The following HSDL2 variants were observed in gnomAD, a reference collection of about 807,000 sequenced individuals.
HSDL2 encodes the protein hydroxysteroid dehydrogenase like 2.
HSDL2 carries 27 observed loss-of-function variants against 46.3 expected under a neutral mutation model. The ratio of observed to expected loss-of-function variants is 0.58; its 90% CI spans 0.43 to 0.80. HSDL2 has a LOEUF of 0.80. Ranked by LOEUF, HSDL2 falls within the 30% of genes least tolerant of loss-of-function variation. HSDL2 has a pLI of 0.00. For synonymous variants in HSDL2, 153 were observed against 163.6 expected, an observed-to-expected ratio of 0.94 and a Z score of 0.50; for missense variants, 451 against 502.7, an observed-to-expected ratio of 0.90 and a Z score of 0.98.
At chr9:112,381,686 G>C (rs1831101452) in intron 1 of HSDL2, among the ~76,000 whole-genome samples, 2 of 152,198 alleles carry the variant, frequency 1.3e-5, no homozygotes, top group South Asian at 4.2e-4. Context: ...ATAATATTCT[G>C]TAACAGCTTG....
rs531924962 is a variant in HSDL2, at chr9:112,466,369, A to C, written c.1145-4063A>C. On this transcript the variant is annotated intron_variant, in intron 10 of 10. Coordinates refer to ENST00000398805, the MANE Select transcript of HSDL2 (RefSeq NM_032303.5). ...GGACTTCGAGACCAGCCTGGCCAAC[A>C]TGGTGAAACCCCATCTCTACTAAAA... Among the ~76,000 whole-genome samples, 75 of 152,290 alleles carry C rather than the reference A, an allele frequency of 4.9e-4. 1 individual carries two copies. Among genetic ancestry groups the C allele is most frequent in the Non-Finnish European group, 2.2e-4 (15 of 68,026 alleles).
At chr9:112,457,055 G>A (rs1259078218) in intron 9 of HSDL2, among the ~76,000 whole-genome samples, 1 of 152,146 alleles carries the variant, frequency 6.6e-6, no homozygotes, top group Non-Finnish European at 1.5e-5. Context: ...GGCTGAGGCA[G>A]GAGAATCGCT....
chr9:112,456,654 C>T (rs921640942), intron 9 of HSDL2, among the ~76,000 whole-genome samples: 8 of 152,100 alleles, frequency 5.3e-5, no homozygotes, highest in Non-Finnish European at 1.0e-4. Context: ...CCATAGGAAC[C>T]GACTGATTAT....
intron 8 of HSDL2, among the ~76,000 whole-genome samples, chr9:112,444,902 G>A (rs1207119597): frequency 2.3e-5 from 3 of 130,078 alleles, no homozygotes; most frequent in Admixed American, 9.1e-5. Context: ...TTTAGAGACT[G>A]GGTCTCACCC....
intron 1 of HSDL2, among the ~76,000 whole-genome samples, chr9:112,396,897 C>T (rs906851691): frequency 1.2e-4 from 18 of 152,076 alleles, no homozygotes; most frequent in Non-Finnish European, 7.4e-5. Flanking sequence ...GTGTTGGGAC[C>T]GCTTGAAGCA....
intron 6 of HSDL2, among the ~76,000 whole-genome samples, chr9:112,429,006 C>T (rs1454342399): frequency 6.6e-6 from 1 of 152,232 alleles, no homozygotes; most frequent in East Asian, 1.9e-4. Flanking sequence ...TCAAGCGATT[C>T]TCAGGCCACA....
intron 3 of HSDL2, among the ~76,000 whole-genome samples, chr9:112,408,536 C>T (rs761244541): frequency 1.4e-4 from 22 of 152,142 alleles, no homozygotes; most frequent in Non-Finnish European, 3.2e-4. Context: ...ATTTTATGAT[C>T]GTATGAACAT....
At chr9:112,445,827 G>A (rs1832746091) in intron 8 of HSDL2, among the ~76,000 whole-genome samples, 1 of 113,470 alleles carries the variant, frequency 8.8e-6, no homozygotes, top group Non-Finnish European at 2.0e-5. Flanking sequence ...CCTGGCCAAA[G>A]CTTTATTTTT....
chr9:112,382,792 CTT>C (rs1831126466), intron 1 of HSDL2, among the ~76,000 whole-genome samples: 1 of 152,268 alleles, frequency 6.6e-6, no homozygotes, highest in South Asian at 2.1e-4. Flanking sequence ...AAAAATTTGT[CTT>C]TTATCACATT....
chr9:112,466,254 T>G (rs1479489289), intron 10 of HSDL2, among the ~76,000 whole-genome samples: 1 of 152,070 alleles, frequency 6.6e-6, no homozygotes, highest in Non-Finnish European at 1.5e-5. Flanking sequence ...TCTTTTATTA[T>G]TCAGTTTTAA....
chr9:112,387,223 C>CTT (rs1363217242), intron 1 of HSDL2, among the ~76,000 whole-genome samples: 2 of 139,658 alleles, frequency 1.4e-5, no homozygotes, highest in African/African-American at 2.6e-5. Context: ...GGTTTCTTTT[C>CTT]TTTTTTTTTT....
chr9:112,388,911 G>A (rs1294401140), intron 1 of HSDL2, among the ~76,000 whole-genome samples: 6 of 152,060 alleles, frequency 3.9e-5, no homozygotes, highest in Non-Finnish European at 7.3e-5. Context: ...ACCCTAAACC[G>A]GGTCCTGTAG....
chr9:112,467,392 CA>C (rs2132719247), intron 10 of HSDL2, among the ~76,000 whole-genome samples: 1 of 152,096 alleles, frequency 6.6e-6, no homozygotes, highest in South Asian at 2.1e-4. Context: ...TGGTGGTTGC[CA>C]GAGTCTGGAG....
intron 1 of HSDL2, among the ~76,000 whole-genome samples, chr9:112,394,428 C>T (rs528080134): frequency 6.6e-6 from 1 of 152,200 alleles, no homozygotes; most frequent in Non-Finnish European, 1.5e-5. Context: ...AGCCTCCAGA[C>T]ATCCTCTTCC....
intron 2 of HSDL2, among the ~76,000 whole-genome samples, chr9:112,405,223 A>G (rs1831698000): frequency 6.6e-6 from 1 of 152,094 alleles, no homozygotes; most frequent in African/African-American, 2.4e-5. Context: ...GTGGTGGTGC[A>G]TGCCTATAGT....
At chr9:112,462,016 G>A (rs572760248) in intron 10 of HSDL2, among the ~76,000 whole-genome samples, 2 of 152,288 alleles carry the variant, frequency 1.3e-5, no homozygotes, top group African/African-American at 4.8e-5. Context: ...GAGCAAGTGA[G>A]TTTGCTTGTG....
intron 1 of HSDL2, among the ~76,000 whole-genome samples, chr9:112,402,550 T>TA (rs34600812): frequency 0.044 from 6,169 of 140,220 alleles, 189 homozygotes; most frequent in South Asian, 0.069. Flanking sequence ...AGAGCTGTCT[T>TA]AAAAAAAAAA....
intron 10 of HSDL2, among the ~76,000 whole-genome samples, chr9:112,469,019 G>C (rs1407944162): frequency 2.0e-5 from 3 of 152,056 alleles, no homozygotes; most frequent in Non-Finnish European, 2.9e-5. Context: ...CCAGAATAAA[G>C]ATCTTTCAGT....
Position 112,380,117 on chromosome 9 carries a change from C to CTCGCCGCCGCCGCTG in HSDL2, c.-38_-24dup, listed in dbSNP as rs763345903. On this transcript the variant is annotated 5_prime_UTR_variant, in exon 1 of 11. Coordinates refer to ENST00000398805, the MANE Select transcript of HSDL2 (RefSeq NM_032303.5). The stretch of plus-strand genomic sequence containing the variant: ...GGGACGGTCCAGCTTTAGCTCTCTG[C>CTCGCCGCCGCCGCTG]TCGCCGCCGCCGCTGTCGCCGCCAC... 2.0e-6 allele frequency: 3 copies of CTCGCCGCCGCCGCTG among 1,529,560 alleles called. No homozygotes were observed. The highest frequency in any genetic ancestry group is 2.7e-6 in the Non-Finnish European group (3 of 1,126,436). 94.7% of individuals were successfully genotyped at this position (1,529,560 alleles called of 1,614,324 possible).
Sources: allele counts gnomAD v4.1 joint callset (sites outside exome capture counted in the v4.1 genomes callset), GRCh38; gene constraint gnomAD v4.1.1; transcripts MANE v1.5; gene names NCBI Gene and HGNC (gene_info 2026-07-23, HGNC 2026-07-21).